CHRM3: variants seen among roughly 807,000 people sequenced by gnomAD.
The protein encoded by CHRM3 is muscarinic acetylcholine receptor M3.
Under a neutral mutation model 41.8 loss-of-function variants are expected in CHRM3, and 11 were observed. That is an observed-to-expected ratio of 0.26 (90% CI 0.17 to 0.44). CHRM3 has a LOEUF of 0.44. CHRM3 is among the 20% of genes least tolerant of loss of function. The probability of loss-of-function intolerance (pLI) is 1.00; values close to 1 mark genes in which losing one functional copy is unlikely to be tolerated. For missense variants in CHRM3, 571 were observed against 745.4 expected, an observed-to-expected ratio of 0.77 and a Z score of 2.72; for synonymous variants, 297 against 301.4, an observed-to-expected ratio of 0.99 and a Z score of 0.15.
chr1:239,836,810 A>G (rs947863988), intron 6 of CHRM3, among the ~76,000 whole-genome samples: 1 of 152,122 alleles, frequency 6.6e-6, no homozygotes, highest in Non-Finnish European at 1.5e-5. Context: ...CCTTGTCTCC[A>G]CTAAAAATAC....
In CHRM3 at chr1:239,615,992, T is replaced by C. The variant is rs188109528; in HGVS notation, c.-312-16232T>C. Among the ~76,000 whole-genome samples the C allele has an allele frequency of 1.0e-3, 153 of 152,320 alleles. 1 individual carries two copies. The highest frequency in any genetic ancestry group is 1.4e-3 in the Non-Finnish European group (97 of 68,024). On this transcript the variant is annotated intron_variant, in intron 3 of 6. Transcript: ENST00000676153. Reference sequence around the variant, plus strand: ...AGCAACCTAATCTCTCAACATACTTTTGCCTCTATCGTTGTTTAAAAAATA... The same window carrying C: ...AGCAACCTAATCTCTCAACATACTTCTGCCTCTATCGTTGTTTAAAAAATA...
chr1:239,597,100 G>A (rs183415087), intron 3 of CHRM3, among the ~76,000 whole-genome samples: 21 of 151,918 alleles, frequency 1.4e-4, no homozygotes, highest in African/African-American at 3.9e-4. Context: ...AGCCTATATG[G>A]GTGAAAACTC....
intron 1 of CHRM3, among the ~76,000 whole-genome samples, chr1:239,465,337 T>C (rs915731232): frequency 2.6e-5 from 4 of 152,176 alleles, no homozygotes; most frequent in Non-Finnish European, 5.9e-5. Flanking sequence ...ATATTTATAA[T>C]CTGTTAAGTT....
rs188590331 is a variant in CHRM3 at position 239,802,345 on chromosome 1, G to A, written c.-146-24907G>A. The stretch of plus-strand genomic sequence containing the variant: ...ATCACTTTGTATGTTATTTCATGTC[G>A]ATGGTTGAGAATATGCTAAAGTTTA... On this transcript the variant is annotated intron_variant, in intron 5 of 6. Coordinates refer to ENST00000676153, the MANE Select transcript of CHRM3 (RefSeq NM_001375978.1). Among the ~76,000 whole-genome samples, 54 of 152,210 alleles carry A rather than the reference G, an allele frequency of 3.5e-4. No individual in the cohort carries two copies. The South Asian group carries it at 8.9e-3, about 25-fold the overall frequency.
At position 239,874,285 on chromosome 1, in the gene CHRM3, GTATATATATATA is replaced by G. The variant is rs758413973; in HGVS notation, c.-19-33117_-19-33106del. ...AGACCTATATATATCTATATACACA[GTATATATATATA>G]TATATATATATATATATATATATAT... On this transcript the variant is annotated intron_variant, in intron 6 of 6. Transcript: ENST00000676153. 2.2e-3 allele frequency among the ~76,000 whole-genome samples: 186 copies of G among 83,206 alleles called. 7 individuals carry two copies. The highest frequency in any genetic ancestry group is 8.5e-3 in the African/African-American group (140 of 16,432). 54.6% of individuals were successfully genotyped at this position (83,206 alleles called of 152,430 possible). A position where few individuals can be genotyped will look rare whatever the true frequency, so the allele number is the denominator to read the frequency against.
chr1:239,529,731 G>A (rs1015469508), intron 2 of CHRM3, among the ~76,000 whole-genome samples: 1 of 151,080 alleles, frequency 6.6e-6, no homozygotes, highest in Non-Finnish European at 1.5e-5. Flanking sequence ...CTGTCCATTC[G>A]TCATTAATCT....
chr1:239,753,488 G>A (rs1665997803), intron 5 of CHRM3, among the ~76,000 whole-genome samples: 1 of 151,988 alleles, frequency 6.6e-6, no homozygotes. Flanking sequence ...AAGAGAGAGT[G>A]ATAAGGGGGA....
At chr1:239,740,124 T>TCACTTCCTGTCATACAACCTTC (rs943514246) in intron 5 of CHRM3, among the ~76,000 whole-genome samples, 2 of 152,108 alleles carry the variant, frequency 1.3e-5, no homozygotes, top group African/African-American at 2.4e-5. Context: ...TCTTGCAAGG[T>TCACTTCCTGTCATACAACCTTC]CACTTCCTGT....
intron 3 of CHRM3, among the ~76,000 whole-genome samples, chr1:239,611,376 A>T (rs1667011173): frequency 6.6e-6 from 1 of 151,254 alleles, no homozygotes; most frequent in East Asian, 1.9e-4. Flanking sequence ...GTCAACAGAC[A>T]ATCTATTAAA....
chr1:239,575,318 T>C (rs1662231172), intron 3 of CHRM3, among the ~76,000 whole-genome samples: 1 of 152,160 alleles, frequency 6.6e-6, no homozygotes, highest in African/African-American at 2.4e-5. Flanking sequence ...TTGAGCAGCC[T>C]AAAGGGTTGT....
chr1:239,606,297 G>A (rs4659921), intron 3 of CHRM3: 117,077 of 149,880 alleles, frequency 0.78, 46,847 homozygotes, highest in Non-Finnish European at 0.86. Context: ...TGCGGGGGGG[G>A]AAGAATCTCA....
chr1:239,709,253 A>G (rs1661518181), intron 5 of CHRM3, among the ~76,000 whole-genome samples: 1 of 152,064 alleles, frequency 6.6e-6, no homozygotes, highest in East Asian at 1.9e-4. Context: ...TGCCACCCCA[A>G]GTCTTTGTTT....
At chr1:239,397,288 T>C (rs894746906) in intron 1 of CHRM3, among the ~76,000 whole-genome samples, 26 of 152,256 alleles carry the variant, frequency 1.7e-4, no homozygotes, top group Non-Finnish European at 3.5e-4. Context: ...GAATTCTGAA[T>C]GTGTACATAT....
At chr1:239,785,746 A>G (rs918441679) in intron 5 of CHRM3, among the ~76,000 whole-genome samples, 7 of 149,750 alleles carry the variant, frequency 4.7e-5, no homozygotes, top group Non-Finnish European at 8.9e-5. Context: ...TTCTTCGTGG[A>G]AAAAAAAAAT....
intron 1 of CHRM3, among the ~76,000 whole-genome samples, chr1:239,444,752 A>G (rs1348376287): frequency 6.6e-6 from 1 of 152,188 alleles, no homozygotes; most frequent in African/African-American, 2.4e-5. Context: ...ATACGAGATG[A>G]AGACAAAAAA....
intron 3 of CHRM3, among the ~76,000 whole-genome samples, chr1:239,622,399 C>G (rs1668479182): frequency 6.6e-6 from 1 of 152,098 alleles, no homozygotes; most frequent in African/African-American, 2.4e-5. Flanking sequence ...TGGGCAATGT[C>G]AATTGAAAAC....
intron 6 of CHRM3, among the ~76,000 whole-genome samples, chr1:239,864,546 G>GCACACA (rs775904989): frequency 1.2e-5 from 1 of 85,816 alleles, no homozygotes. Context: ...ACACACACAC[G>GCACACA]CACACACACA....
intron 4 of CHRM3, among the ~76,000 whole-genome samples, chr1:239,646,810 A>G (rs1044818355): frequency 6.6e-6 from 1 of 152,176 alleles, no homozygotes; most frequent in African/African-American, 2.4e-5. Context: ...GCAGAATAAC[A>G]CTGAAAAAGC....
intron 5 of CHRM3, among the ~76,000 whole-genome samples, chr1:239,682,732 G>C (rs1041409440): frequency 2.0e-5 from 3 of 151,720 alleles, no homozygotes; most frequent in Non-Finnish European, 4.4e-5. Context: ...GATTGTTAAG[G>C]TTTGTATTAT....
Sources: allele counts gnomAD v4.1 joint callset (sites outside exome capture counted in the v4.1 genomes callset), GRCh38; gene constraint gnomAD v4.1.1; transcripts MANE v1.5; gene names NCBI Gene and HGNC (gene_info 2026-07-23, HGNC 2026-07-21).